Variants in SLC37A1 observed in about 807,000 individuals in gnomAD.
SLC37A1 encodes solute carrier family 37 member 1, also known as glucose-6-phosphate exchanger SLC37A1.
Under a neutral mutation model 75.3 loss-of-function variants are expected in SLC37A1, and 49 were observed. The ratio of observed to expected loss-of-function variants is 0.65; its 90% CI spans 0.52 to 0.83. SLC37A1 has a LOEUF of 0.83. Ranked by LOEUF, SLC37A1 falls within the 40% of genes least tolerant of loss-of-function variation. The pLI, the probability that SLC37A1 is intolerant of heterozygous loss-of-function variation, is 0.00. For synonymous variants in SLC37A1, 268 were observed against 292.1 expected (o/e 0.92, Z 0.84); for missense variants, 566 against 695.0 (o/e 0.81, Z 2.09).
chr21:42,543,555 C>G lies in SLC37A1; in HGVS notation c.683C>G (p.Ala228Gly). 6.2e-7 allele frequency: 1 copy of G among 1,613,228 alleles called. No individual in the cohort carries two copies. The highest frequency in any genetic ancestry group is 8.5e-7 in the Non-Finnish European group (1 of 1,179,514). Residue 228 changes from alanine (A) to glycine (G), a missense_variant, in exon 8 of 20, where the codon GCC (alanine) becomes GGC (glycine). Ala to Gly is a moderately conservative substitution (Grantham distance 60, BLOSUM62 0). Coordinates refer to ENST00000352133, the MANE Select transcript of SLC37A1 (RefSeq NM_001320537.2). Reference protein sequence around the residue: ...CWGLSFVVPGAIVAAMGIVCF... With the variant: ...CWGLSFVVPGGIVAAMGIVCF... ...GGCCTGTCCTTCGTCGTGCCTGGAG[C>G]CATCGTGGCAGCCATGGGGATAGTG... is the stretch of plus-strand genomic sequence containing the variant.
At chr21:42,565,155 T>C in intron 14 of SLC37A1, among the ~76,000 whole-genome samples, 1 of 152,266 alleles carries the variant, frequency 6.6e-6, no homozygotes, top group Middle Eastern at 3.2e-3. Flanking sequence ...ATAGTGCTTT[T>C]CAGGCATTTC....
At chr21:42,535,143 G>A (rs1273195632) in intron 4 of SLC37A1, among the ~76,000 whole-genome samples, 1 of 152,262 alleles carries the variant, frequency 6.6e-6, no homozygotes, top group Non-Finnish European at 1.5e-5. Flanking sequence ...GTGGGTGCTG[G>A]CCTAGGCAGG....
At chr21:42,513,771 G>C (rs866666956), upstream of SLC37A1, 1 of 146,574 alleles carries the variant, frequency 6.8e-6, no homozygotes, top group Non-Finnish European at 1.5e-5. Flanking sequence ...CCGGGGAGGG[G>C]GAGGAGCCGC....
chr21:42,528,550 G>A (rs2054859199), intron 3 of SLC37A1, among the ~76,000 whole-genome samples: 1 of 152,244 alleles, frequency 6.6e-6, no homozygotes, highest in Non-Finnish European at 1.5e-5. Context: ...AACTGGCTAG[G>A]CGCAGTGGCT....
chr21:42,521,647 G>A (rs1485711341), intron 2 of SLC37A1, among the ~76,000 whole-genome samples: 1 of 152,214 alleles, frequency 6.6e-6, no homozygotes, highest in African/African-American at 2.4e-5. Context: ...TGCTGTCATT[G>A]CTGAGACCTG....
At chr21:42,551,079 A>C (rs2055545241) in intron 9 of SLC37A1, among the ~76,000 whole-genome samples, 1 of 152,258 alleles carries the variant, frequency 6.6e-6, no homozygotes, top group Admixed American at 6.5e-5. Flanking sequence ...GTTAGGCAAG[A>C]AAAGGATATA....
upstream of SLC37A1, chr21:42,509,551 C>G (rs2054416214): frequency 6.6e-6 from 1 of 152,208 alleles, no homozygotes. The surrounding 1 kb of genome is among the most constrained non-coding windows in gnomAD (Gnocchi z 4.2). Flanking sequence ...TCCTTCACAC[C>G]TAATTATGTT....
At chr21:42,556,165 T>C (rs180717450) in intron 10 of SLC37A1, among the ~76,000 whole-genome samples, 1 of 152,350 alleles carries the variant, frequency 6.6e-6, no homozygotes, top group East Asian at 1.9e-4. Flanking sequence ...TGCTGTCACT[T>C]GGCCACGTGG....
intron 18 of SLC37A1, among the ~76,000 whole-genome samples, chr21:42,577,460 A>G (rs572958063): frequency 2.2e-4 from 33 of 152,372 alleles, no homozygotes; most frequent in African/African-American, 7.7e-4. Context: ...AACAGCAATA[A>G]TGACTAATTT....
chr21:42,567,420 G>A (rs1403826897), intron 16 of SLC37A1, among the ~76,000 whole-genome samples: 4 of 152,218 alleles, frequency 2.6e-5, no homozygotes, highest in Non-Finnish European at 5.9e-5. Flanking sequence ...TTCTCATCCA[G>A]GTACCATGCC....
intron 2 of SLC37A1, among the ~76,000 whole-genome samples, chr21:42,524,326 C>CT (rs1410881813): frequency 3.9e-5 from 6 of 152,180 alleles, no homozygotes; most frequent in African/African-American, 1.4e-4. Flanking sequence ...GGTTGAGACT[C>CT]TTAGACTGGA....
chr21:42,572,507 T>C (rs1447930541), intron 17 of SLC37A1, among the ~76,000 whole-genome samples: 3 of 152,186 alleles, frequency 2.0e-5, no homozygotes, highest in African/African-American at 4.8e-5. Context: ...TCTTACACTT[T>C]CTCAGGGAGA....
chr21:42,575,193 CAT>C (rs1465293392), intron 18 of SLC37A1: 2 of 983,444 alleles, frequency 2.0e-6, no homozygotes, highest in East Asian at 1.1e-4. Context: ...TGTCACCTGT[CAT>C]GTGTGTGACT....
chr21:42,575,155 G>A lies in SLC37A1; in HGVS notation c.1521+240G>A, dbSNP rs150858421. 1.3e-5 allele frequency: 13 copies of A among 985,230 alleles called. No individual in the cohort carries two copies. In the African/African-American group the frequency reaches 1.4e-4, roughly 11 times the overall value. The allele number at this position is 985,230 out of a possible 1,614,324, so 61.0% of individuals were successfully genotyped here. A position where few individuals can be genotyped will look rare whatever the true frequency, so the allele number is the denominator to read the frequency against. ...GCGGGATAGCACAAAGGCCAGGAGC[G>A]TGGAGCTCCGTGGCTCTAGATCCTG... is the stretch of plus-strand genomic sequence containing the variant. On this transcript the variant is annotated intron_variant, in intron 18 of 19. Transcript: ENST00000352133.
At chr21:42,559,980 G>A (rs1031661406) in intron 11 of SLC37A1, among the ~76,000 whole-genome samples, 1 of 152,076 alleles carries the variant, frequency 6.6e-6, no homozygotes, top group Non-Finnish European at 1.5e-5. Flanking sequence ...AGGATGCAGG[G>A]ACCAAGGGAA....
Position 42,514,963 on chromosome 21 carries a change from C to T in SLC37A1, c.-179+246C>T, listed in dbSNP as rs2054494626. The T allele has an allele frequency of 6.6e-6, 1 of 152,258 alleles. No homozygotes were observed. The highest frequency in any genetic ancestry group is 6.5e-5 in the Admixed American group (1 of 15,286). The allele number at this position is 152,258 out of a possible 1,614,324, so 9.4% of individuals were successfully genotyped here. ...AAGTGGATAAATATTTTAGACTTCC[C>T]CCGTTGTTTTTTTATTAATCCCCTT... On this transcript the variant is annotated intron_variant, in intron 1 of 19. Transcript: ENST00000352133. The surrounding 1 kb of genome is among the most constrained non-coding windows in gnomAD (Gnocchi z 4.8).
At chr21:42,519,474 G>T (rs892747431) in intron 2 of SLC37A1, among the ~76,000 whole-genome samples, 56 of 152,196 alleles carry the variant, frequency 3.7e-4, no homozygotes, top group Non-Finnish European at 1.0e-4. Context: ...TAAGGGACAG[G>T]ATTTATAGCA....
rs1183635077 is a variant in SLC37A1 at position 42,564,754 on chromosome 21, C to A, written c.1182C>A (p.Ala394=). The change falls in exon 14 of 20, where the codon GCC becomes GCA. Residue 394 remains alanine (A), a synonymous_variant. Transcript: ENST00000352133. Reference sequence around the variant, plus strand: ...TCTCAGACCGACTGGAGAAAAGGGCCTCCACCTGCGGCCTGATGCTGCTGC... The same window carrying A: ...TCTCAGACCGACTGGAGAAAAGGGCATCCACCTGCGGCCTGATGCTGCTGC... ...GVISDRLEKR[A]STCGLMLLLA... 2 of 1,609,314 alleles carry A rather than the reference C, an allele frequency of 1.2e-6. No homozygotes were observed. The highest frequency in any genetic ancestry group is 2.7e-5 in the African/African-American group (2 of 74,936).
At chr21:42,572,267 G>A (rs558506588) in intron 17 of SLC37A1, among the ~76,000 whole-genome samples, 13 of 152,080 alleles carry the variant, frequency 8.5e-5, no homozygotes, top group Middle Eastern at 3.4e-3. Flanking sequence ...TCCTTACCCC[G>A]GGAGCCTTTC....
Sources: allele counts gnomAD v4.1 joint callset (sites outside exome capture counted in the v4.1 genomes callset), GRCh38; gene constraint gnomAD v4.1.1; non-coding constraint Gnocchi (gnomAD v3.1); transcripts MANE v1.5; gene names NCBI Gene and HGNC (gene_info 2026-07-23, HGNC 2026-07-21).